The following MYT1L variants were observed in gnomAD, a reference collection of about 807,000 sequenced individuals.
MYT1L encodes myelin transcription factor 1 like.
In MYT1L, 12 loss-of-function variants were observed where a neutral mutation model predicts 126.7. That is an observed-to-expected ratio of 0.09 (90% CI 0.06 to 0.15). MYT1L has a LOEUF of 0.15. Among genes scored for constraint, MYT1L ranks in the 10% least tolerant of loss-of-function variants. MYT1L has a pLI of 1.00. For missense variants in MYT1L, 979 were observed against 1,585.2 expected, an observed-to-expected ratio of 0.62 and a Z score of 6.49; for synonymous variants, 541 against 604.2, an observed-to-expected ratio of 0.90 and a Z score of 1.53.
intron 23 of MYT1L, among the ~76,000 whole-genome samples, chr2:1,798,498 G>A (rs1324961372): frequency 6.6e-6 from 1 of 152,176 alleles, no homozygotes; most frequent in Non-Finnish European, 1.5e-5. Context: ...TTATCTCATG[G>A]CTTGGGCTTG....
chr2:2,272,105 C>T (rs745939436), intron 2 of MYT1L, among the ~76,000 whole-genome samples: 4 of 152,184 alleles, frequency 2.6e-5, no homozygotes, highest in South Asian at 2.1e-4. Context: ...AAGCTAAAGA[C>T]GACAGTCACC....
intron 23 of MYT1L, among the ~76,000 whole-genome samples, chr2:1,794,276 G>A (rs969746650): frequency 6.6e-5 from 10 of 152,230 alleles, no homozygotes; most frequent in African/African-American, 2.2e-4. Context: ...GGCCCTCAGC[G>A]GGCCCTCCTG....
At chr2:2,022,024 G>A (rs929854317) in intron 4 of MYT1L, among the ~76,000 whole-genome samples, 4 of 152,206 alleles carry the variant, frequency 2.6e-5, no homozygotes, top group Admixed American at 1.3e-4. Flanking sequence ...AGCACAAAAG[G>A]GGCTGAAAAA....
At chr2:2,055,265 G>A (rs532812322) in intron 3 of MYT1L, among the ~76,000 whole-genome samples, 2 of 152,224 alleles carry the variant, frequency 1.3e-5, no homozygotes, top group South Asian at 2.1e-4. Context: ...TATCATCAGC[G>A]GGTTGTCATG....
intron 2 of MYT1L, among the ~76,000 whole-genome samples, chr2:2,253,150 G>GA (rs1158170156): frequency 6.6e-6 from 1 of 151,896 alleles, no homozygotes; most frequent in Non-Finnish European, 1.5e-5. Context: ...AAAAAAAAAA[G>GA]AAAAAAAGAG....
At chr2:2,037,862 A>ATATACAGTTTTCAAAAC (rs1235888288) in intron 4 of MYT1L, among the ~76,000 whole-genome samples, 1 of 152,166 alleles carries the variant, frequency 6.6e-6, no homozygotes, top group Non-Finnish European at 1.5e-5. Flanking sequence ...GTTTTTCAAA[A>ATATACAGTTTTCAAAAC]TATACAGTTT....
At chr2:1,997,405 G>A (rs1382448371) in intron 4 of MYT1L, 58 bp from the exon 5 acceptor site, 1 of 152,450 alleles carries the variant, frequency 6.6e-6, no homozygotes, top group Non-Finnish European at 1.5e-5. Context: ...ACCTTAGGGA[G>A]AGACATACAC....
chr2:2,282,577 A>G (rs1357078579), intron 2 of MYT1L, among the ~76,000 whole-genome samples: 2 of 152,310 alleles, frequency 1.3e-5, no homozygotes, highest in Non-Finnish European at 2.9e-5. Context: ...GAGTCAAGCA[A>G]TTCTACTGTG....
intron 8 of MYT1L, among the ~76,000 whole-genome samples, chr2:1,975,304 C>T (rs771090159): frequency 3.1e-4 from 36 of 116,278 alleles, no homozygotes; most frequent in African/African-American, 9.5e-4. Flanking sequence ...GATCCCGCAG[C>T]TGTGGCAGAG....
At chr2:2,024,757 C>T (rs1022421099) in intron 4 of MYT1L, among the ~76,000 whole-genome samples, 1 of 152,236 alleles carries the variant, frequency 6.6e-6, no homozygotes, top group African/African-American at 2.4e-5. Flanking sequence ...CCGCAGTCCA[C>T]CAATTCTGAC....
At chr2:1,992,553 T>C (rs1035075510) in intron 5 of MYT1L, among the ~76,000 whole-genome samples, 1 of 152,208 alleles carries the variant, frequency 6.6e-6, no homozygotes, top group African/African-American at 2.4e-5. Context: ...ACCCCAAGTC[T>C]AGCAATAATG....
chr2:1,849,347 C>CA (rs1178068494), intron 19 of MYT1L, among the ~76,000 whole-genome samples: 3 of 117,780 alleles, frequency 2.5e-5, no homozygotes, highest in Non-Finnish European at 5.1e-5. Flanking sequence ...TGGAGTTTTA[C>CA]AAATTTTTTT....
intron 1 of MYT1L, among the ~76,000 whole-genome samples, chr2:2,328,203 A>G (rs1368355115): frequency 6.6e-6 from 1 of 152,234 alleles, no homozygotes; most frequent in Non-Finnish European, 1.5e-5. Flanking sequence ...ATAATCACTT[A>G]TTTCTTTTCC....
At chr2:1,902,754 C>T (rs979018022) in intron 14 of MYT1L, 3 of 340,902 alleles carry the variant, frequency 8.8e-6, no homozygotes, top group Non-Finnish European at 1.7e-5. Context: ...AAGCGTATAA[C>T]ATAAGGGCAC....
chr2:1,885,070 G>A (rs1343618721), intron 18 of MYT1L: 1 of 152,220 alleles, frequency 6.6e-6, no homozygotes, highest in Admixed American at 6.5e-5. Flanking sequence ...TTTTACAGAG[G>A]CTGTTTTCCT....
chr2:2,328,780 AT>A (rs901968492), intron 1 of MYT1L, among the ~76,000 whole-genome samples: 1 of 152,214 alleles, frequency 6.6e-6, no homozygotes, highest in Non-Finnish European at 1.5e-5. Context: ...TATACAAGTA[AT>A]TTTTAACATA....
intron 3 of MYT1L, among the ~76,000 whole-genome samples, chr2:2,117,642 C>A (rs2080391232): frequency 6.6e-6 from 1 of 152,148 alleles, no homozygotes; most frequent in Non-Finnish European, 1.5e-5. Flanking sequence ...TTTCCCTAAT[C>A]CTTATATTCT....
In MYT1L at chr2:1,791,721, G is replaced by A; in HGVS notation, c.*146C>T. ...TCTGCAGGTACTATCTTTAAAGCAAGACATAAAATCATTATGAAGTCTTGT... is the reference window on the plus strand; with the variant it reads ...TCTGCAGGTACTATCTTTAAAGCAAAACATAAAATCATTATGAAGTCTTGT... On this transcript the variant is annotated 3_prime_UTR_variant, in exon 25 of 25. Coordinates refer to ENST00000647738, the MANE Select transcript of MYT1L (RefSeq NM_001303052.2). The surrounding 1 kb of genome is among the most constrained non-coding windows in gnomAD (Gnocchi z 6.0). 1.3e-6 allele frequency: 1 copy of A among 791,466 alleles called. No individual in the cohort carries two copies. Among genetic ancestry groups the A allele is most frequent in the Admixed American group, 3.4e-5 (1 of 29,806 alleles). The allele number at this position is 791,466 out of a possible 1,614,324, so 49.0% of individuals were successfully genotyped here. A position where few individuals can be genotyped will look rare whatever the true frequency, so the allele number is the denominator to read the frequency against.
intron 1 of MYT1L, among the ~76,000 whole-genome samples, chr2:2,294,100 G>A (rs1004257855): frequency 9.9e-5 from 15 of 152,210 alleles, no homozygotes; most frequent in Non-Finnish European, 1.9e-4. Context: ...TCATCTATCA[G>A]TGTAAAATAT....
Sources: gnomAD v4.1 joint callset for allele counts (sites outside exome capture counted in the v4.1 genomes callset) on GRCh38, gnomAD v4.1.1 for gene constraint, Gnocchi (gnomAD v3.1) non-coding constraint, MANE v1.5 for transcripts, NCBI Gene and HGNC (gene_info 2026-07-23, HGNC 2026-07-21) for gene names.